THRB: variants seen among roughly 807,000 people sequenced by gnomAD.
THRB encodes nuclear receptor subfamily 1 group A member 2.
A neutral mutation model predicts 47.8 loss-of-function variants in THRB; 12 were observed. The observed-to-expected ratio is 0.25, with a 90% CI of 0.16 to 0.41. THRB has a LOEUF of 0.41. THRB is among the 10% of genes least tolerant of loss of function. The pLI, the probability that THRB is intolerant of heterozygous loss-of-function variation, is 1.00. For missense variants in THRB, 348 were observed against 589.2 expected (o/e 0.59, Z 4.24); for synonymous variants, 218 against 212.2 (o/e 1.03, Z -0.24).
chr3:24,316,674 C>A lies in THRB; in HGVS notation c.-188-19303G>T, dbSNP rs375970714. 1.6e-4 allele frequency among the ~76,000 whole-genome samples: 25 copies of A among 152,228 alleles called. No individual in the cohort carries two copies. In the South Asian group the frequency reaches 5.2e-3, roughly 32 times the overall value. ...ATCAAGTCTCTCCTCTACTTAACAA[C>A]CCTCAATTACTTCCCACCAGGTACA... On this transcript the variant is annotated intron_variant, in intron 2 of 10. Coordinates refer to ENST00000646209, the MANE Select transcript of THRB (RefSeq NM_001354712.2).
At chr3:24,158,382 A>T (rs953910205) in intron 5 of THRB, among the ~76,000 whole-genome samples, 2 of 149,270 alleles carry the variant, frequency 1.3e-5, no homozygotes, top group African/African-American at 4.9e-5. Context: ...ATCTTTATCA[A>T]GAGTGGAAAA....
At chr3:24,148,581 A>C (rs1198156402) in intron 6 of THRB, among the ~76,000 whole-genome samples, 1 of 152,174 alleles carries the variant, frequency 6.6e-6, no homozygotes, top group Non-Finnish European at 1.5e-5. Flanking sequence ...GTTTTGATGG[A>C]TGTCTTCTGC....
chr3:24,361,526 T>A (rs946448624), intron 1 of THRB, among the ~76,000 whole-genome samples: 6 of 152,050 alleles, frequency 3.9e-5, no homozygotes, highest in Non-Finnish European at 7.4e-5. Context: ...AGAAAGATAG[T>A]CTATAAGAGC....
Position 24,137,948 on chromosome 3 carries a change from G to C in THRB, c.739-4486C>G, listed in dbSNP as rs369540424. ...AGGGCCAAAAATGGACTGGCTGTGG[G>C]GTAAGGAATCCAGAATGACTTCTTG... On this transcript the variant is annotated intron_variant, in intron 8 of 10. Transcript: ENST00000646209. Among the ~76,000 whole-genome samples the C allele has an allele frequency of 5.9e-5, 9 of 152,218 alleles. No individual in the cohort carries two copies. The South Asian group carries it at 1.9e-3, about 32-fold the overall frequency.
At chr3:24,357,132 C>T (rs1389392826) in intron 1 of THRB, among the ~76,000 whole-genome samples, 1 of 150,306 alleles carries the variant, frequency 6.7e-6, no homozygotes, top group Non-Finnish European at 1.5e-5. Flanking sequence ...AGGTGGTATC[C>T]TTGACTCAGT....
chr3:24,208,461 A>G (rs1194071971), intron 4 of THRB, among the ~76,000 whole-genome samples: 1 of 152,218 alleles, frequency 6.6e-6, no homozygotes, highest in African/African-American at 2.4e-5. Context: ...CTACAAGGCT[A>G]CAGTAACCAA....
rs1008482115 is a variant in THRB at position 24,120,398 on chromosome 3, G to A, written c.*2486C>T. The stretch of plus-strand genomic sequence containing the variant: ...ATGCCATACTATTTGGCCAATTCTC[G>A]ATCATGGTTAGTCCCCAAAGCATTC... On this transcript the variant is annotated 3_prime_UTR_variant, in exon 11 of 11. Transcript: ENST00000646209. 2.0e-5 allele frequency: 3 copies of A among 152,186 alleles called. No homozygotes were observed. The highest frequency in any genetic ancestry group is 3.9e-4 in the East Asian group (2 of 5,188). The allele number at this position is 152,186 out of a possible 1,614,324, so 9.4% of individuals were successfully genotyped here.
chr3:24,193,916 T>C (rs1452284721), intron 4 of THRB, among the ~76,000 whole-genome samples: 2 of 152,158 alleles, frequency 1.3e-5, no homozygotes, highest in Non-Finnish European at 2.9e-5. Flanking sequence ...GTGATATATA[T>C]GTATACACCA....
At chr3:24,154,858 T>C (rs1225667398) in intron 5 of THRB, among the ~76,000 whole-genome samples, 1 of 152,182 alleles carries the variant, frequency 6.6e-6, no homozygotes, top group Non-Finnish European at 1.5e-5. Context: ...AAGTATGGAA[T>C]GCAGAGATAA....
intron 1 of THRB, among the ~76,000 whole-genome samples, chr3:24,416,940 G>A (rs2068784348): frequency 6.6e-6 from 1 of 151,844 alleles, no homozygotes; most frequent in Non-Finnish European, 1.5e-5. Flanking sequence ...TGTGAACATG[G>A]ACTCAATTTG....
chr3:24,352,871 T>C (rs1370094699), intron 1 of THRB, among the ~76,000 whole-genome samples: 1 of 152,168 alleles, frequency 6.6e-6, no homozygotes, highest in Non-Finnish European at 1.5e-5. Context: ...CTTTTCCTTG[T>C]TTTTCAAATT....
intron 4 of THRB, among the ~76,000 whole-genome samples, chr3:24,192,422 T>C (rs1334347447): frequency 6.6e-6 from 1 of 152,158 alleles, no homozygotes; most frequent in African/African-American, 2.4e-5. Context: ...CCTCAGCAAA[T>C]TGCATCTCGC....
intron 1 of THRB, among the ~76,000 whole-genome samples, chr3:24,423,901 T>C (rs2069508822): frequency 6.6e-6 from 1 of 151,820 alleles, no homozygotes. Flanking sequence ...GAAGACAAGA[T>C]ATTTAAATAG....
chr3:24,390,175 T>C (rs1228690421), intron 1 of THRB, among the ~76,000 whole-genome samples: 3 of 152,140 alleles, frequency 2.0e-5, no homozygotes, highest in Non-Finnish European at 2.9e-5. Flanking sequence ...GATTCATTGA[T>C]CAGCTACTAG....
chr3:24,390,439 G>A (rs745579524), intron 1 of THRB, among the ~76,000 whole-genome samples: 2 of 152,014 alleles, frequency 1.3e-5, no homozygotes, highest in East Asian at 1.9e-4. Context: ...TAGACATCCC[G>A]CCAGCTCTTT....
intron 3 of THRB, among the ~76,000 whole-genome samples, chr3:24,250,330 A>G (rs1046774162): frequency 1.3e-5 from 2 of 152,126 alleles, no homozygotes; most frequent in African/African-American, 4.8e-5. Flanking sequence ...TTCAGTCTCC[A>G]TCTGCCTTAA....
intron 1 of THRB, among the ~76,000 whole-genome samples, chr3:24,467,330 C>T (rs554167503): frequency 6.6e-6 from 1 of 152,326 alleles, no homozygotes; most frequent in South Asian, 2.1e-4. Context: ...GGGTCAGAAT[C>T]AACTTCTTCC....
chr3:24,128,630 T>C (rs1049399846), intron 9 of THRB, among the ~76,000 whole-genome samples: 32 of 152,346 alleles, frequency 2.1e-4, no homozygotes, highest in African/African-American at 7.5e-4. Flanking sequence ...GTGTGTTTGA[T>C]GAATTGGGCA....
At chr3:24,327,660 A>C (rs2149349315) in intron 2 of THRB, among the ~76,000 whole-genome samples, 1 of 152,372 alleles carries the variant, frequency 6.6e-6, no homozygotes, top group Non-Finnish European at 1.5e-5. Flanking sequence ...TAACAACAAA[A>C]TAAATAAACT....
Sources: allele counts gnomAD v4.1 joint callset (sites outside exome capture counted in the v4.1 genomes callset), GRCh38; gene constraint gnomAD v4.1.1; transcripts MANE v1.5; gene names NCBI Gene and HGNC (gene_info 2026-07-23, HGNC 2026-07-21).